Variants in PLA2G6 observed in about 807,000 individuals in gnomAD.
The protein encoded by PLA2G6 is 85/88 kDa calcium-independent phospholipase A2.
A neutral mutation model predicts 83.8 loss-of-function variants in PLA2G6; 62 were observed. That is an observed-to-expected ratio of 0.74 (90% CI 0.60 to 0.91). PLA2G6 has a LOEUF of 0.91. Ranked by LOEUF, PLA2G6 falls within the 40% of genes least tolerant of loss-of-function variation. The pLI, the probability that PLA2G6 is intolerant of heterozygous loss-of-function variation, is 0.00. For synonymous variants in PLA2G6, 417 were observed against 449.8 expected (o/e 0.93, Z 0.92); for missense variants, 944 against 1,102.0 (o/e 0.86, Z 2.03).
intron 9 of PLA2G6, chr22:38,127,159 C>T: frequency 1.7e-6 from 2 of 1,160,008 alleles, no homozygotes; most frequent in South Asian, 1.7e-5. Context: ...CAGCCCCCCA[C>T]CACTGTGCAG....
intron 2 of PLA2G6, among the ~76,000 whole-genome samples, chr22:38,166,050 G>A (rs2090200598): frequency 6.6e-6 from 1 of 151,826 alleles, no homozygotes; most frequent in Admixed American, 6.6e-5. Context: ...CGTGCACAAT[G>A]ACTGTGGTCT....
intron 2 of PLA2G6, among the ~76,000 whole-genome samples, chr22:38,166,086 G>T (rs1447913001): frequency 6.6e-6 from 1 of 152,146 alleles, no homozygotes; most frequent in Non-Finnish European, 1.5e-5. Flanking sequence ...CAGCAAGACG[G>T]AGGGAGAAAG....
intron 1 of PLA2G6, among the ~76,000 whole-genome samples, chr22:38,179,663 A>G (rs1350807686): frequency 6.6e-6 from 1 of 152,148 alleles, no homozygotes; most frequent in Non-Finnish European, 1.5e-5. Context: ...CATGCTTGTA[A>G]TCCCAGCTAC....
At chr22:38,144,941 G>C (rs1395435070) in intron 3 of PLA2G6, 5 of 341,186 alleles carry the variant, frequency 1.5e-5, no homozygotes, top group Admixed American at 3.3e-5. Context: ...GTAGAAATCA[G>C]CTCCCACAGA....
chr22:38,155,140 T>TG (rs915430024), intron 2 of PLA2G6, among the ~76,000 whole-genome samples: 3 of 151,188 alleles, frequency 2.0e-5, no homozygotes, highest in African/African-American at 7.3e-5. Context: ...GGCAGAAGAA[T>TG]GGTGTGAACC....
rs2089202410 is a variant in PLA2G6 at position 38,145,632 on chromosome 22, C to T, written c.231G>A (p.Glu77=). 7 of 1,612,858 alleles carry T rather than the reference C, an allele frequency of 4.3e-6. No individual in the cohort carries two copies. Among genetic ancestry groups the T allele is most frequent in the Non-Finnish European group, 5.9e-6 (7 of 1,179,492 alleles). Residue 77 remains glutamate (E), a synonymous_variant, in exon 3 of 17, where the codon GAG becomes GAA. Transcript: ENST00000332509. Reference sequence around the variant, plus strand: ...GATGGAAATTCACTAGGGCGTCAGCCTCCAACTCCAGCTGGAAGAGTCTGT... The same window carrying T: ...GATGGAAATTCACTAGGGCGTCAGCTTCCAACTCCAGCTGGAAGAGTCTGT... ...SGFRLFQLEL[E]ADALVNFHQY... is the part of the protein sequence containing the mutation.
chr22:38,122,965 C>A (rs1253608837), intron 11 of PLA2G6, 130 bp downstream of exon 11: 4 of 846,822 alleles, frequency 4.7e-6, no homozygotes, highest in Non-Finnish European at 7.3e-6. Context: ...CCCGCCCCTG[C>A]CTCCTCAAAG....
At chr22:38,136,740 C>CTTTTTTTTT (rs35788613) in intron 5 of PLA2G6, 1 of 118,588 alleles carries the variant, frequency 8.4e-6, no homozygotes, top group Non-Finnish European at 1.7e-5. Flanking sequence ...CTCAATAAAG[C>CTTTTTTTTT]TTTTTTTTTT....
At chr22:38,129,250 C>T (rs892574799) in intron 8 of PLA2G6, among the ~76,000 whole-genome samples, 5 of 152,226 alleles carry the variant, frequency 3.3e-5, no homozygotes, top group African/African-American at 9.6e-5. Flanking sequence ...TAGCAAGCCC[C>T]GTGGTGGGCC....
chr22:38,127,195 G>A (rs1257180747), intron 9 of PLA2G6: 8 of 1,185,268 alleles, frequency 6.7e-6, no homozygotes, highest in African/African-American at 3.2e-5. Flanking sequence ...AAGCAGAACC[G>A]AGGGCTGCGA....
Position 38,143,198 on chromosome 22 carries a change from C to T in PLA2G6, c.516G>A (p.Val172=), listed in dbSNP as rs761156992. ...CATCCATCTGAGTGTGGCAGTACTGCACCAGCTCCACCAGGATCTCCCCAT... is the reference window on the plus strand; with the variant it reads ...CATCCATCTGAGTGTGGCAGTACTGTACCAGCTCCACCAGGATCTCCCCAT... ...KGDGEILVEL[V]QYCHTQMDVT... The change falls in exon 4 of 17, where the codon GTG becomes GTA. Residue 172 remains valine (V), a synonymous_variant. Transcript: ENST00000332509. 5.6e-5 allele frequency: 90 copies of T among 1,614,072 alleles called. No homozygotes were observed. The highest frequency in any genetic ancestry group is 8.9e-5 in the East Asian group (4 of 44,898).
Position 38,129,319 on chromosome 22 carries a change from G to A in PLA2G6, c.1186+135C>T, listed in dbSNP as rs113319668. On this transcript the variant is annotated intron_variant, in intron 8 of 16. Transcript: ENST00000332509. Reference sequence around the variant, plus strand: ...AAGGAAGCCCCCTCTCTGAGTACGAGGTGCTCCTGGCAGCTCTGAGCAGGG... The same window carrying A: ...AAGGAAGCCCCCTCTCTGAGTACGAAGTGCTCCTGGCAGCTCTGAGCAGGG... 510 of 713,996 alleles carry A rather than the reference G, an allele frequency of 7.1e-4. 2 individuals are homozygous for A. In the African/African-American group the frequency reaches 8.1e-3, roughly 11 times the overall value. The allele number at this position is 713,996 out of a possible 1,614,324, so 44.2% of individuals were successfully genotyped here.
intron 1 of PLA2G6, among the ~76,000 whole-genome samples, chr22:38,171,127 G>A (rs1197144684): frequency 6.7e-6 from 1 of 149,940 alleles, no homozygotes; most frequent in Non-Finnish European, 1.5e-5. Context: ...AGCTGAGATG[G>A]CGCCATTGCA....
chr22:38,175,018 G>C (rs1037449530), intron 1 of PLA2G6, among the ~76,000 whole-genome samples: 5 of 152,154 alleles, frequency 3.3e-5, no homozygotes, highest in Admixed American at 3.3e-4. Flanking sequence ...CCTCAGCTAC[G>C]AATTCCCTGA....
chr22:38,140,337 G>A (rs1019996437), intron 4 of PLA2G6, 168 bp from the exon 5 acceptor site: 15 of 647,302 alleles, frequency 2.3e-5, no homozygotes, highest in Admixed American at 2.0e-4. Context: ...GTGAAATGTC[G>A]TCTCTTCTAA....
chr22:38,176,692 C>T (rs762966614), intron 1 of PLA2G6, among the ~76,000 whole-genome samples: 3 of 152,182 alleles, frequency 2.0e-5, no homozygotes, highest in East Asian at 1.9e-4. Flanking sequence ...CCATGCCTCA[C>T]GGTTGGCAAA....
At chr22:38,170,101 G>A (rs916742479) in intron 1 of PLA2G6, among the ~76,000 whole-genome samples, 2 of 151,832 alleles carry the variant, frequency 1.3e-5, no homozygotes, top group Non-Finnish European at 2.9e-5. Flanking sequence ...GGGAAGCTGA[G>A]GCAGGAGAAT....
At chr22:38,151,137 A>C (rs931649866) in intron 2 of PLA2G6, among the ~76,000 whole-genome samples, 25 of 152,108 alleles carry the variant, frequency 1.6e-4, no homozygotes, top group African/African-American at 6.0e-4. Flanking sequence ...CAAAAACAAA[A>C]CCTTCAAGAA....
intron 2 of PLA2G6, among the ~76,000 whole-genome samples, chr22:38,167,395 G>A (rs1472258026): frequency 6.6e-6 from 1 of 152,184 alleles, no homozygotes; most frequent in Non-Finnish European, 1.5e-5. Flanking sequence ...CCTGTCAAGG[G>A]ATTTTACAAC....
Sources: gnomAD v4.1 joint callset for allele counts (sites outside exome capture counted in the v4.1 genomes callset) on GRCh38, gnomAD v4.1.1 for gene constraint, MANE v1.5 for transcripts, NCBI Gene and HGNC (gene_info 2026-07-23, HGNC 2026-07-21) for gene names.